The following LRRC28 variants were observed in gnomAD, a reference collection of about 807,000 sequenced individuals.
LRRC28 encodes the protein leucine-rich repeat-containing protein 28.
A neutral mutation model predicts 45.7 loss-of-function variants in LRRC28; 39 were observed. The ratio of observed to expected loss-of-function variants is 0.85; its 90% CI spans 0.66 to 1.12. LRRC28 has a LOEUF of 1.12. LRRC28 is among the 50% of genes most tolerant of loss of function. LRRC28 has a pLI of 0.00. For synonymous variants in LRRC28, 206 were observed against 178.8 expected, an observed-to-expected ratio of 1.15 and a Z score of -1.22; for missense variants, 435 against 438.5, an observed-to-expected ratio of 0.99 and a Z score of 0.07.
chr15:99,256,681 T>C (rs2081031387), intron 2 of LRRC28, among the ~76,000 whole-genome samples: 1 of 152,242 alleles, frequency 6.6e-6, no homozygotes, highest in Non-Finnish European at 1.5e-5. Flanking sequence ...CATACAATTT[T>C]TTGGAAAAAA....
intron 2 of LRRC28, among the ~76,000 whole-genome samples, chr15:99,265,839 A>G (rs1203119182): frequency 6.6e-6 from 1 of 152,196 alleles, no homozygotes. Flanking sequence ...TTGGAGGAAA[A>G]CATAAAATCT....
chr15:99,324,091 C>T (rs1224603124), intron 5 of LRRC28, among the ~76,000 whole-genome samples: 2 of 152,088 alleles, frequency 1.3e-5, no homozygotes, highest in Admixed American at 1.3e-4. Context: ...TCCAAGACCC[C>T]CCGTGGGTGC....
At chr15:99,281,817 G>A (rs1352128040) in intron 3 of LRRC28, among the ~76,000 whole-genome samples, 1 of 152,138 alleles carries the variant, frequency 6.6e-6, no homozygotes, top group Non-Finnish European at 1.5e-5. Flanking sequence ...AGCTTTCCAG[G>A]ATCTCTCTTG....
intron 5 of LRRC28, among the ~76,000 whole-genome samples, chr15:99,329,825 C>T (rs1170880171): frequency 6.6e-6 from 1 of 152,186 alleles, no homozygotes; most frequent in East Asian, 1.9e-4. Flanking sequence ...ATAAAGCTGG[C>T]TGCACGTGGT....
chr15:99,274,958 T>G (rs2081576882), intron 2 of LRRC28, among the ~76,000 whole-genome samples: 1 of 152,194 alleles, frequency 6.6e-6, no homozygotes, highest in Admixed American at 6.5e-5. Context: ...CCATTCCTGA[T>G]TCATTATTAT....
chr15:99,264,391 T>TG (rs2081280161), intron 2 of LRRC28, among the ~76,000 whole-genome samples: 1 of 150,794 alleles, frequency 6.6e-6, no homozygotes. Context: ...AAGCGGGGAG[T>TG]GGGGGGTGGA....
intron 6 of LRRC28, among the ~76,000 whole-genome samples, chr15:99,344,566 C>T (rs902456499): frequency 6.6e-6 from 1 of 152,146 alleles, no homozygotes; most frequent in African/African-American, 2.4e-5. Context: ...AAAAAACTAC[C>T]TTCCTCAGAA....
At chr15:99,354,794 C>G (rs1243671686) in intron 7 of LRRC28, among the ~76,000 whole-genome samples, 1 of 152,174 alleles carries the variant, frequency 6.6e-6, no homozygotes, top group Non-Finnish European at 1.5e-5. Flanking sequence ...TCCCTTCGTT[C>G]TTCACTGCTA....
At chr15:99,331,588 T>C (rs1956160128) in intron 5 of LRRC28, among the ~76,000 whole-genome samples, 1 of 152,146 alleles carries the variant, frequency 6.6e-6, no homozygotes, top group East Asian at 1.9e-4. Flanking sequence ...AAACATCCTT[T>C]CATCCTTTAA....
intron 3 of LRRC28, among the ~76,000 whole-genome samples, chr15:99,282,053 A>AG (rs1316303417): frequency 2.0e-5 from 3 of 152,042 alleles, no homozygotes; most frequent in Admixed American, 6.6e-5. Flanking sequence ...CAGCCTCCCA[A>AG]GTAGCTAGGG....
intron 3 of LRRC28, chr15:99,285,629 G>A: frequency 1.5e-6 from 1 of 656,200 alleles, no homozygotes; most frequent in Admixed American, 2.4e-5. Context: ...GCATCCATGG[G>A]CAGCCACTGT....
chr15:99,374,810 G>A (rs1230972947), intron 9 of LRRC28, among the ~76,000 whole-genome samples: 1 of 151,872 alleles, frequency 6.6e-6, no homozygotes, highest in Admixed American at 6.6e-5. Context: ...TGGGACTACA[G>A]GCGCCCACCA....
In LRRC28 at chr15:99,363,828, GGATA is replaced by G. The variant is rs936487643; in HGVS notation, c.1031+565_1031+568del. Among the ~76,000 whole-genome samples the G allele has an allele frequency of 1.2e-4, 19 of 152,250 alleles. 1 individual carries two copies. Among genetic ancestry groups the G allele is most frequent in the African/African-American group, 4.6e-4 (19 of 41,548 alleles). On this transcript the variant is annotated intron_variant, in intron 9 of 9. Transcript: ENST00000301981. ...CCCCAATAGTTCTACTTTAAAAAAA[GGATA>G]GCAGCTAAAGATAGGCTCTCAAATG...
intron 9 of LRRC28, among the ~76,000 whole-genome samples, chr15:99,378,020 A>G (rs1957697442): frequency 6.6e-6 from 1 of 152,222 alleles, no homozygotes; most frequent in African/African-American, 2.4e-5. Context: ...TGTCTTGGCA[A>G]TGCAGGCCCT....
chr15:99,259,690 G>A, intron 2 of LRRC28: 3 of 1,382,040 alleles, frequency 2.2e-6, no homozygotes, highest in Non-Finnish European at 2.1e-6. Context: ...CCAGACATCC[G>A]CTGATCAGAG....
In LRRC28 at chr15:99,387,112, G is replaced by T. The variant is rs28469034; in HGVS notation, c.*1010G>T. On this transcript the variant is annotated 3_prime_UTR_variant, in exon 10 of 10. Coordinates refer to ENST00000301981, the MANE Select transcript of LRRC28 (RefSeq NM_144598.5). ...GTCTCGCTCTGTCGCCCAGGCTGGA[G>T]TGCAGTGGCGGGATCTCGGCTCACT... 1 of 151,314 alleles carries T rather than the reference G, an allele frequency of 6.6e-6. No homozygotes were observed. The highest frequency in any genetic ancestry group is 1.5e-5 in the Non-Finnish European group (1 of 67,872). The allele number at this position is 151,314 out of a possible 1,614,324, so 9.4% of individuals were successfully genotyped here. A position where few individuals can be genotyped will look rare whatever the true frequency, so the allele number is the denominator to read the frequency against.
At chr15:99,341,083 CTTTTTTTTTTTTT>C (rs528372394) in intron 6 of LRRC28, among the ~76,000 whole-genome samples, 2 of 100,492 alleles carry the variant, frequency 2.0e-5, no homozygotes, top group African/African-American at 7.5e-5. Flanking sequence ...ATTCTACTGT[CTTTTTTTTTTTTT>C]TTTTTTTTTT....
Position 99,307,540 on chromosome 15 carries a change from G to A in LRRC28, c.385+19589G>A, listed in dbSNP as rs139321213. 5.3e-5 allele frequency among the ~76,000 whole-genome samples: 8 copies of A among 152,260 alleles called. No homozygotes were observed. In the East Asian group the frequency reaches 5.8e-4, roughly 11 times the overall value. On this transcript the variant is annotated intron_variant, in intron 5 of 9. Coordinates refer to ENST00000301981, the MANE Select transcript of LRRC28 (RefSeq NM_144598.5). ...ATCAGAGACCAAAGATTCTAATCCCGTTCATTCATTTTTTAAAATGTAAAA... is the reference window on the plus strand; with the variant it reads ...ATCAGAGACCAAAGATTCTAATCCCATTCATTCATTTTTTAAAATGTAAAA...
intron 5 of LRRC28, among the ~76,000 whole-genome samples, chr15:99,318,670 A>C (rs1415959151): frequency 6.6e-6 from 1 of 152,098 alleles, no homozygotes; most frequent in Non-Finnish European, 1.5e-5. Context: ...GCCTATTCAG[A>C]AATCTCTAAT....
Sources: gnomAD v4.1 joint callset for allele counts (sites outside exome capture counted in the v4.1 genomes callset) on GRCh38, gnomAD v4.1.1 for gene constraint, MANE v1.5 for transcripts, NCBI Gene and HGNC (gene_info 2026-07-23, HGNC 2026-07-21) for gene names.